The following ZNF600 variants were observed in gnomAD, a reference collection of about 807,000 sequenced individuals.
The protein encoded by ZNF600 is zinc finger protein 600, also known as zinc finger protein KR-ZNF1.
Under a neutral mutation model 7.3 loss-of-function variants are expected in ZNF600, and 4 were observed. The observed-to-expected ratio is 0.55, with a 90% CI of 0.27 to 1.25. ZNF600 has a LOEUF of 1.25. Among genes scored for constraint, ZNF600 ranks in the 50% most tolerant of loss-of-function variants. The pLI, the probability that ZNF600 is intolerant of heterozygous loss-of-function variation, is 0.12. For synonymous variants in ZNF600, 290 were observed against 308.9 expected (o/e 0.94, Z 0.64); for missense variants, 911 against 922.1 (o/e 0.99, Z 0.16).
chr19:52,788,949 G>C (rs537956222), upstream of ZNF600, among the ~76,000 whole-genome samples: 18 of 152,294 alleles, frequency 1.2e-4, no homozygotes, highest in Middle Eastern at 3.4e-3. Context: ...CACCAGCCCC[G>C]CAGAGCCCCA....
At chr19:52,825,009 A>G in the ZNF600 span, among the ~76,000 whole-genome samples, 1 of 152,074 alleles carries the variant, frequency 6.6e-6, no homozygotes, top group Non-Finnish European at 1.5e-5. Context: ...AGATGGGAGG[A>G]TTGCTTGAGC....
At chr19:52,800,616 G>A in the ZNF600 span, 1 of 1,613,200 alleles carries the variant, frequency 6.2e-7, no homozygotes, top group Non-Finnish European at 8.5e-7. Context: ...ACATTTGTAT[G>A]GTTTCTCTCC....
chr19:52,801,779 AAAAAAC>A, the ZNF600 span: 2 of 1,326,902 alleles, frequency 1.5e-6, no homozygotes, highest in Non-Finnish European at 2.1e-6. Flanking sequence ...AATATGACAC[AAAAAAC>A]AATACTTATT....
chr19:52,784,907 T>C (rs967207709), intron 1 of ZNF600, among the ~76,000 whole-genome samples: 55 of 152,064 alleles, frequency 3.6e-4, no homozygotes, highest in Admixed American at 2.4e-3. Flanking sequence ...TTTTTTTTCC[T>C]TTTTTGACAG....
At chr19:52,824,047 A>G in the ZNF600 span, among the ~76,000 whole-genome samples, 4 of 152,004 alleles carry the variant, frequency 2.6e-5, no homozygotes, top group South Asian at 8.3e-4. Context: ...CCCAGGCAAC[A>G]ACAGTGAAAC....
the ZNF600 span, among the ~76,000 whole-genome samples, chr19:52,819,568 C>A: frequency 2.3e-3 from 171 of 73,544 alleles, 6 homozygotes; most frequent in African/African-American, 3.7e-3. Flanking sequence ...CCCTCATCTC[C>A]AAGTTGCAGG....
the ZNF600 span, among the ~76,000 whole-genome samples, chr19:52,830,616 G>C: frequency 6.6e-6 from 1 of 152,052 alleles, no homozygotes; most frequent in Admixed American, 6.5e-5. Context: ...GCTGAGTCAT[G>C]ATGCCCTGCA....
chr19:52,806,901 T>TA, the ZNF600 span, among the ~76,000 whole-genome samples: 142 of 151,986 alleles, frequency 9.3e-4, no homozygotes, highest in Non-Finnish European at 1.5e-3. Flanking sequence ...GACTCTGTCA[T>TA]AAAAAAAGAG....
chr19:52,833,338 G>T, the ZNF600 span, among the ~76,000 whole-genome samples: 1 of 152,258 alleles, frequency 6.6e-6, no homozygotes. Flanking sequence ...CCAGGACCAT[G>T]CCCAGTGGAA....
chr19:52,804,357 ATGATTCTCCTACCTCAAG>A, the ZNF600 span, among the ~76,000 whole-genome samples: 1 of 152,058 alleles, frequency 6.6e-6, no homozygotes, highest in African/African-American at 2.4e-5. Context: ...GTGTAGTGGC[ATGATTCTCCTACCTCAAG>A]TGATTCTCCC....
the ZNF600 span, among the ~76,000 whole-genome samples, chr19:52,793,472 G>T: frequency 5.3e-5 from 8 of 152,338 alleles, no homozygotes; most frequent in East Asian, 1.5e-3. Context: ...CCTGGGACAG[G>T]AGCAACATCA....
upstream of ZNF600, chr19:52,786,816 T>C (rs925904677): frequency 3.0e-6 from 1 of 330,716 alleles, no homozygotes. Flanking sequence ...GCAGGTTGGC[T>C]GGACCTGGGC....
intron 2 of ZNF600, among the ~76,000 whole-genome samples, chr19:52,776,996 A>AT (rs2062680794): frequency 1.3e-5 from 2 of 152,014 alleles, no homozygotes. Flanking sequence ...CTCAAAACAA[A>AT]TTAAAAAATA....
intron 1 of ZNF600, among the ~76,000 whole-genome samples, chr19:52,784,921 T>G (rs1480474944): frequency 3.3e-5 from 5 of 151,936 alleles, no homozygotes. Flanking sequence ...TTGACAGAGA[T>G]GGGGGGAGCC....
intron 3 of ZNF600, among the ~76,000 whole-genome samples, chr19:52,771,063 C>T (rs1452308731): frequency 6.6e-6 from 1 of 152,082 alleles, no homozygotes; most frequent in Non-Finnish European, 1.5e-5. Flanking sequence ...AATCTCCCGA[C>T]CTCATGTGAT....
At chr19:52,800,166 A>C in the ZNF600 span, 2 of 1,613,718 alleles carry the variant, frequency 1.2e-6, no homozygotes, top group Non-Finnish European at 1.7e-6. Flanking sequence ...TTTGCGACTG[A>C]AAACTTTCTC....
chr19:52,764,715 C>G (rs1347415523), exon 4 of ZNF600: 2 of 152,640 alleles, frequency 1.3e-5, no homozygotes, highest in Non-Finnish European at 2.9e-5. Flanking sequence ...GATGGGGTTT[C>G]ACCGTGTTAG....
At chr19:52,796,911 T>G in the ZNF600 span, among the ~76,000 whole-genome samples, 20 of 152,330 alleles carry the variant, frequency 1.3e-4, no homozygotes, top group Middle Eastern at 3.4e-3. Flanking sequence ...ATTTGTACCA[T>G]TTTATTTTGG....
At chr19:52,767,528 C>G (rs771482163) in exon 4 of ZNF600, 1 of 1,614,082 alleles carries the variant, frequency 6.2e-7, no homozygotes, top group South Asian at 1.1e-5. Context: ...TTCCAGCATG[C>G]CTGTGATCAT....
Sources: allele counts gnomAD v4.1 joint callset (sites outside exome capture counted in the v4.1 genomes callset), GRCh38; gene constraint gnomAD v4.1.1; transcripts MANE v1.5; gene names NCBI Gene and HGNC (gene_info 2026-07-23, HGNC 2026-07-21).